The following CPA6 variants were observed in gnomAD, a reference collection of about 807,000 sequenced individuals.
CPA6 encodes carboxypeptidase A6.
CPA6 carries 58 observed loss-of-function variants against 63.3 expected under a neutral mutation model. That is an observed-to-expected ratio of 0.92 (90% CI 0.74 to 1.14). CPA6 has a LOEUF of 1.14. CPA6 is among the 50% of genes most tolerant of loss of function. The pLI is 0.00. For synonymous variants in CPA6, 185 were observed against 179.0 expected, an observed-to-expected ratio of 1.03 and a Z score of -0.27; for missense variants, 565 against 526.6, an observed-to-expected ratio of 1.07 and a Z score of -0.71.
intron 1 of CPA6, among the ~76,000 whole-genome samples, chr8:67,734,678 C>T (rs1266965882): frequency 1.3e-5 from 2 of 152,208 alleles, no homozygotes; most frequent in Admixed American, 6.5e-5. Flanking sequence ...TGCCTCCAAC[C>T]TTCATTATGT....
At chr8:67,426,411 A>G (rs1214834861) in intron 10 of CPA6, among the ~76,000 whole-genome samples, 3 of 152,174 alleles carry the variant, frequency 2.0e-5, no homozygotes, top group Non-Finnish European at 2.9e-5. Flanking sequence ...TTATGTTGGC[A>G]TTAATTGGTA....
chr8:67,654,395 C>A (rs1815931669), intron 1 of CPA6, among the ~76,000 whole-genome samples: 1 of 152,098 alleles, frequency 6.6e-6, no homozygotes, highest in Non-Finnish European at 1.5e-5. Context: ...TGTTGGTAAG[C>A]TATTGATTAT....
At chr8:67,604,397 G>A (rs1814572940) in intron 2 of CPA6, among the ~76,000 whole-genome samples, 1 of 152,174 alleles carries the variant, frequency 6.6e-6, no homozygotes. Context: ...GCCTCCTTCA[G>A]ACCTTTGCTC....
chr8:67,574,186 T>A (rs577309021), intron 2 of CPA6, among the ~76,000 whole-genome samples: 58 of 152,000 alleles, frequency 3.8e-4, no homozygotes, highest in Non-Finnish European at 6.2e-4. Context: ...AAAATCAGCC[T>A]GGGCAATATG....
chr8:67,445,228 T>C (rs1462161927), intron 8 of CPA6, among the ~76,000 whole-genome samples: 2 of 152,126 alleles, frequency 1.3e-5, no homozygotes, highest in African/African-American at 4.8e-5. Flanking sequence ...ATTTAAGATT[T>C]TTTTTTGGGA....
chr8:67,584,103 A>G (rs907263046), intron 2 of CPA6, among the ~76,000 whole-genome samples: 23 of 152,210 alleles, frequency 1.5e-4, no homozygotes, highest in Admixed American at 1.5e-3. Context: ...CGTTGTAGTG[A>G]GCTGAGATCG....
intron 2 of CPA6, among the ~76,000 whole-genome samples, chr8:67,522,214 C>T (rs1290844042): frequency 6.6e-6 from 1 of 152,120 alleles, no homozygotes; most frequent in Non-Finnish European, 1.5e-5. Context: ...ATTGGTCCCC[C>T]ATTCTGAGCC....
intron 1 of CPA6, among the ~76,000 whole-genome samples, chr8:67,625,834 G>A (rs987280185): frequency 6.6e-6 from 1 of 152,118 alleles, no homozygotes; most frequent in Non-Finnish European, 1.5e-5. Context: ...AATGGAATTT[G>A]CATGATTTTC....
intron 8 of CPA6, among the ~76,000 whole-genome samples, chr8:67,475,881 C>CTTTCTCCTTTCTTT: frequency 2.3e-5 from 1 of 43,158 alleles, no homozygotes; most frequent in Non-Finnish European, 4.6e-5. Context: ...CTTTCTTTCT[C>CTTTCTCCTTTCTTT]CTTTCTTTCT....
intron 2 of CPA6, among the ~76,000 whole-genome samples, chr8:67,554,688 G>C (rs1005661590): frequency 6.6e-6 from 1 of 152,220 alleles, no homozygotes; most frequent in Admixed American, 6.5e-5. Context: ...CTGAGCTCAA[G>C]GCCTGAGAGC....
At chr8:67,694,400 C>T (rs1016854537) in intron 1 of CPA6, among the ~76,000 whole-genome samples, 39 of 152,234 alleles carry the variant, frequency 2.6e-4, no homozygotes, top group African/African-American at 8.9e-4. Context: ...AGACACTGAA[C>T]GTTGCCCATG....
At chr8:67,444,141 G>A (rs1359738478) in intron 8 of CPA6, among the ~76,000 whole-genome samples, 1 of 151,840 alleles carries the variant, frequency 6.6e-6, no homozygotes, top group African/African-American at 2.4e-5. Flanking sequence ...ACAGGCACCC[G>A]CCACCACACC....
intron 3 of CPA6, among the ~76,000 whole-genome samples, chr8:67,513,529 C>T (rs780639178): frequency 2.0e-5 from 3 of 152,086 alleles, no homozygotes; most frequent in Non-Finnish European, 2.9e-5. Context: ...TTGCCAAAGG[C>T]GGAAATCTAT....
At chr8:67,506,692 T>C (rs958373916) in intron 6 of CPA6, 95 bp downstream of exon 6, 5 of 766,258 alleles carry the variant, frequency 6.5e-6, no homozygotes, top group Admixed American at 1.9e-5. Context: ...CAATCAGGTA[T>C]CATTGGTTTC....
intron 2 of CPA6, among the ~76,000 whole-genome samples, chr8:67,592,458 A>T (rs1814157432): frequency 6.6e-6 from 1 of 151,862 alleles, no homozygotes; most frequent in Non-Finnish European, 1.5e-5. Flanking sequence ...TTTCAGAAGG[A>T]ATGGTACCAG....
intron 1 of CPA6, among the ~76,000 whole-genome samples, chr8:67,743,100 C>A (rs2129004581): frequency 6.6e-6 from 1 of 152,138 alleles, no homozygotes; most frequent in East Asian, 1.9e-4. Flanking sequence ...TTTATTGATC[C>A]CTGAAATGTT....
chr8:67,656,344 C>G (rs1253336912), intron 1 of CPA6, among the ~76,000 whole-genome samples: 1 of 152,136 alleles, frequency 6.6e-6, no homozygotes, highest in Non-Finnish European at 1.5e-5. Context: ...TGAGACATCT[C>G]TTTTTCCAGT....
chr8:67,710,410 C>CT (rs1253445119), intron 1 of CPA6, among the ~76,000 whole-genome samples: 1 of 148,712 alleles, frequency 6.7e-6, no homozygotes, highest in East Asian at 2.0e-4. Context: ...CCCACCCCCC[C>CT]CCAACCCCCC....
intron 5 of CPA6, among the ~76,000 whole-genome samples, chr8:67,507,999 TTG>T (rs145996041): frequency 0.05 from 7,033 of 142,070 alleles, 156 homozygotes; most frequent in South Asian, 0.082. Context: ...ATGGGGTGCT[TTG>T]TGTGTGTGTG....
Sources: allele counts gnomAD v4.1 joint callset (sites outside exome capture counted in the v4.1 genomes callset), GRCh38; gene constraint gnomAD v4.1.1; transcripts MANE v1.5; gene names NCBI Gene and HGNC (gene_info 2026-07-23, HGNC 2026-07-21).